The following DMRT1 variants were observed in gnomAD, a reference collection of about 807,000 sequenced individuals.
DMRT1 encodes the protein doublesex- and mab-3-related transcription factor 1.
DMRT1 carries 7 observed loss-of-function variants against 32.3 expected under a neutral mutation model. The observed-to-expected ratio is 0.22, with a 90% CI of 0.12 to 0.41. The LOEUF (loss-of-function observed/expected upper bound fraction) is 0.41. Ranked by LOEUF, DMRT1 falls within the 10% of genes least tolerant of loss-of-function variation. The pLI is 1.00. For missense variants in DMRT1, 625 were observed against 500.5 expected, an observed-to-expected ratio of 1.25 and a Z score of -2.37; for synonymous variants, 278 against 206.1, an observed-to-expected ratio of 1.35 and a Z score of -2.99.
At chr9:850,362 G>C (rs533948253) in intron 2 of DMRT1, among the ~76,000 whole-genome samples, 2 of 152,322 alleles carry the variant, frequency 1.3e-5, no homozygotes, top group Admixed American at 6.5e-5. Context: ...GGAGAGTCCT[G>C]AAGCTTGTAT....
At position 873,934 on chromosome 9, in the gene DMRT1, G is replaced by C. The variant is rs73384484; in HGVS notation, c.539-19978G>C. 8.6e-4 allele frequency among the ~76,000 whole-genome samples: 131 copies of C among 152,280 alleles called. 1 individual carries two copies. The highest frequency in any genetic ancestry group is 3.2e-3 in the African/African-American group (131 of 41,576). On this transcript the variant is annotated intron_variant, in intron 2 of 4. Transcript: ENST00000382276. ...CAATTAGTAGGGGAAAAGAAATATA[G>C]GAAGTGGGCATATTTAACTTGGAAG...
intron 3 of DMRT1, among the ~76,000 whole-genome samples, chr9:916,288 A>G (rs1312162233): frequency 1.3e-5 from 2 of 152,192 alleles, no homozygotes; most frequent in Non-Finnish European, 2.9e-5. Flanking sequence ...AAAGGGCACC[A>G]TCATAGTTCT....
In DMRT1 at chr9:924,285, T is replaced by G. The variant is rs545771586; in HGVS notation, c.967+7378T>G. Among the ~76,000 whole-genome samples the G allele has an allele frequency of 7.2e-5, 11 of 152,278 alleles. No individual in the cohort carries two copies. The East Asian group carries it at 2.1e-3, about 29-fold the overall frequency. Reference sequence around the variant, plus strand: ...TGGGGTTTCTACATGTCAGCCAGGCTGGTCTCGAACTCCTGACCTCAAGTG... The same window carrying G: ...TGGGGTTTCTACATGTCAGCCAGGCGGGTCTCGAACTCCTGACCTCAAGTG... On this transcript the variant is annotated intron_variant, in intron 4 of 4. Transcript: ENST00000382276.
intron 2 of DMRT1, among the ~76,000 whole-genome samples, chr9:858,844 A>C (rs1815515999): frequency 2.0e-5 from 2 of 98,232 alleles, no homozygotes; most frequent in South Asian, 9.5e-4. Flanking sequence ...ATTGCACTCC[A>C]GTCTGTCTCA....
At chr9:950,015 G>A (rs1307627394) in intron 4 of DMRT1, among the ~76,000 whole-genome samples, 1 of 152,166 alleles carries the variant, frequency 6.6e-6, no homozygotes, top group Non-Finnish European at 1.5e-5. Context: ...TAGTGCTGCA[G>A]TAAATATGGG....
At chr9:893,446 C>A (rs10815971) in intron 2 of DMRT1, among the ~76,000 whole-genome samples, 1 of 152,180 alleles carries the variant, frequency 6.6e-6, no homozygotes, top group African/African-American at 2.4e-5. Context: ...CTGAAGATAC[C>A]TGATCACCTG....
rs1014366125 is a variant in DMRT1 at position 878,205 on chromosome 9, C to G, written c.539-15707C>G. Among the ~76,000 whole-genome samples, 8 of 114,320 alleles carry G rather than the reference C, an allele frequency of 7.0e-5. No individual in the cohort carries two copies. In the South Asian group the frequency reaches 1.6e-3, roughly 22 times the overall value. The allele number at this position is 114,320 out of a possible 152,430, so 75.0% of individuals were successfully genotyped here. On this transcript the variant is annotated intron_variant, in intron 2 of 4. Coordinates refer to ENST00000382276, the MANE Select transcript of DMRT1 (RefSeq NM_021951.3). ...GCCCTGGAACTGCAGCTGCTGCCCC[C>G]CCCCCACCCAATAAAAATGTCTGCC...
At chr9:892,784 C>G (rs1817203387) in intron 2 of DMRT1, among the ~76,000 whole-genome samples, 1 of 152,134 alleles carries the variant, frequency 6.6e-6, no homozygotes, top group Non-Finnish European at 1.5e-5. Flanking sequence ...CTCACCTTAC[C>G]CTAGCCCATC....
intron 1 of DMRT1, chr9:842,811 A>T (rs1838745477): frequency 6.6e-6 from 1 of 152,204 alleles, no homozygotes; most frequent in East Asian, 1.9e-4. Context: ...GGTCCCTGAG[A>T]TCCCTGATCC....
intron 4 of DMRT1, among the ~76,000 whole-genome samples, chr9:939,046 C>T (rs899754940): frequency 6.6e-6 from 1 of 152,254 alleles, no homozygotes; most frequent in African/African-American, 2.4e-5. Context: ...GGTTGCCCCA[C>T]TCCATAGCCT....
In DMRT1 at chr9:874,417, C is replaced by A. The variant is rs563544349; in HGVS notation, c.539-19495C>A. Among the ~76,000 whole-genome samples the A allele has an allele frequency of 4.6e-5, 7 of 152,258 alleles. 1 individual carries two copies. Among genetic ancestry groups the A allele is most frequent in the African/African-American group, 1.7e-4 (7 of 41,552 alleles). On this transcript the variant is annotated intron_variant, in intron 2 of 4. Transcript: ENST00000382276. ...TTTGTTTCCCCTTCATTGTCATTTT[C>A]AGCCCTTTATTTGTTTCTGAACTTG...
chr9:913,721 C>T (rs141681944), intron 3 of DMRT1, among the ~76,000 whole-genome samples: 71 of 151,702 alleles, frequency 4.7e-4, no homozygotes, highest in Non-Finnish European at 5.2e-4. Flanking sequence ...ATGGAGAAAA[C>T]GTCTCTACTA....
chr9:941,556 C>T (rs546183803), intron 4 of DMRT1, among the ~76,000 whole-genome samples: 1 of 151,956 alleles, frequency 6.6e-6, no homozygotes, highest in Non-Finnish European at 1.5e-5. Flanking sequence ...GGAGAGTTAT[C>T]GTTTTTTTGG....
At chr9:930,210 G>T (rs1482282926) in intron 4 of DMRT1, among the ~76,000 whole-genome samples, 1 of 152,060 alleles carries the variant, frequency 6.6e-6, no homozygotes, top group Non-Finnish European at 1.5e-5. Context: ...GAGCTAGATT[G>T]TTCTATTTGT....
chr9:873,249 A>G (rs1393747400), intron 2 of DMRT1, among the ~76,000 whole-genome samples: 1 of 151,276 alleles, frequency 6.6e-6, no homozygotes, highest in African/African-American at 2.4e-5. Flanking sequence ...TCCTTTGCCC[A>G]TTTGTAAGTT....
At chr9:859,911 A>G (rs7047613) in intron 2 of DMRT1, among the ~76,000 whole-genome samples, 47,618 of 151,932 alleles carry the variant, frequency 0.31, 8,208 homozygotes, top group African/African-American at 0.48. Flanking sequence ...CATTCAGCAT[A>G]TAGTAACAGA....
intron 4 of DMRT1, among the ~76,000 whole-genome samples, chr9:943,561 C>T (rs1445060602): frequency 1.3e-5 from 2 of 152,240 alleles, no homozygotes; most frequent in South Asian, 2.1e-4. Context: ...AGTTGTCTAA[C>T]ACTTACATCC....
chr9:866,387 G>A (rs1329714274), intron 2 of DMRT1, among the ~76,000 whole-genome samples: 5 of 152,066 alleles, frequency 3.3e-5, no homozygotes, highest in African/African-American at 9.7e-5. Flanking sequence ...ACCCCTTGAC[G>A]TCACCACCTT....
chr9:896,045 G>T (rs1449374488), intron 3 of DMRT1, among the ~76,000 whole-genome samples: 1 of 151,384 alleles, frequency 6.6e-6, no homozygotes, highest in Non-Finnish European at 1.5e-5. Flanking sequence ...CCTTGTGATT[G>T]GCCCACCTCA....
Sources: gnomAD v4.1 joint callset for allele counts (sites outside exome capture counted in the v4.1 genomes callset) on GRCh38, gnomAD v4.1.1 for gene constraint, MANE v1.5 for transcripts, NCBI Gene and HGNC (gene_info 2026-07-23, HGNC 2026-07-21) for gene names.